SORL1-AS1: variants seen among roughly 807,000 people sequenced by gnomAD.
SORL1-AS1 encodes the protein SORL1 antisense RNA 1.
At chr11:121,441,904 C>G in the SORL1-AS1 span, among the ~76,000 whole-genome samples, 2 of 152,214 alleles carry the variant, frequency 1.3e-5, no homozygotes, top group Non-Finnish European at 2.9e-5. Context: ...AACTAATCCA[C>G]TGATCCTAAA....
At chr11:121,448,121 G>A (rs1002817217) in exon 2 of SORL1-AS1, 2 of 152,208 alleles carry the variant, frequency 1.3e-5, no homozygotes, top group African/African-American at 2.4e-5. Context: ...TCTCGCTTTG[G>A]CCCACTTCAA....
Position 121,452,492 on chromosome 11 carries a change from A to T in SORL1-AS1, n.339+183T>A. 1 of 1,484,848 alleles carries T rather than the reference A, an allele frequency of 6.7e-7. No homozygotes were observed. The highest frequency in any genetic ancestry group is 8.9e-7 in the Non-Finnish European group (1 of 1,119,998). The allele number at this position is 1,484,848 out of a possible 1,614,324, so 92.0% of individuals were successfully genotyped here. ...CGGGGCTTCCTCGTGGTGCAGGGCG[A>T]CCCGCGCGAGCTGCGGCTGTGGGCG... On this transcript the variant is annotated intron_variant and non_coding_transcript_variant, in intron 1 of 1. Coordinates refer to ENST00000501964, the Ensembl canonical transcript of SORL1-AS1. The surrounding 1 kb of genome is among the most constrained non-coding windows in gnomAD (Gnocchi z 5.3).
downstream of SORL1-AS1, among the ~76,000 whole-genome samples, chr11:121,446,644 G>T (rs991327973): frequency 1.3e-5 from 2 of 151,988 alleles, no homozygotes; most frequent in Non-Finnish European, 2.9e-5. Flanking sequence ...CCAGCTACTC[G>T]GGAGGCTGAG....
chr11:121,441,317 A>T, the SORL1-AS1 span, among the ~76,000 whole-genome samples: 2 of 151,252 alleles, frequency 1.3e-5, no homozygotes, highest in African/African-American at 4.9e-5. Flanking sequence ...AGGTCAGGAG[A>T]TTGAAACCAT....
In SORL1-AS1 at chr11:121,452,210, C is replaced by A; in HGVS notation, n.339+465G>T. 3.4e-6 allele frequency: 2 copies of A among 580,970 alleles called. No individual in the cohort carries two copies. Among genetic ancestry groups the A allele is most frequent in the Non-Finnish European group, 4.5e-6 (2 of 441,746 alleles). The allele number at this position is 580,970 out of a possible 1,614,324, so 36.0% of individuals were successfully genotyped here. On this transcript the variant is annotated intron_variant and non_coding_transcript_variant, in intron 1 of 1. Transcript: ENST00000501964. The surrounding 1 kb of genome is among the most constrained non-coding windows in gnomAD (Gnocchi z 5.3). ...GCGGGCGCAGCGGGGCGGCCCGGAG[C>A]GGCGCGGGCGGCCTGGAGCCCCGGG...
chr11:121,444,040 T>C (rs1006064980), downstream of SORL1-AS1, among the ~76,000 whole-genome samples: 3 of 152,078 alleles, frequency 2.0e-5, no homozygotes, highest in Non-Finnish European at 2.9e-5. Context: ...TGGTACAGGA[T>C]GTGTGATGGC....
At chr11:121,442,764 C>A (rs867185434), downstream of SORL1-AS1, among the ~76,000 whole-genome samples, 1 of 149,198 alleles carries the variant, frequency 6.7e-6, no homozygotes. Context: ...CTGCAAGCTC[C>A]GCCTCCCAGG....
At chr11:121,445,506 C>T (rs575047553), downstream of SORL1-AS1, among the ~76,000 whole-genome samples, 2 of 152,250 alleles carry the variant, frequency 1.3e-5, no homozygotes, top group East Asian at 3.9e-4. Context: ...TCTCCATTGG[C>T]CTTCCCAGCC....
rs1860821932 is a variant in SORL1-AS1, at chr11:121,452,634, C to T, written n.339+41G>A. 5 of 1,440,494 alleles carry T rather than the reference C, an allele frequency of 3.5e-6. No homozygotes were observed. Among genetic ancestry groups the T allele is most frequent in the Non-Finnish European group, 4.5e-6 (5 of 1,100,158 alleles). 89.2% of individuals were successfully genotyped at this position (1,440,494 alleles called of 1,614,324 possible). On this transcript the variant is annotated intron_variant and non_coding_transcript_variant, in intron 1 of 1. Transcript: ENST00000501964. This position sits in a 1 kb window ranked among gnomAD's most constrained non-coding sequence, Gnocchi z 5.3. ...ACGGACAGGTGAGCAGTTTTGCAAC[C>T]CGCCTCCCTCCAGTTTTTTCCTCTC...
At chr11:121,441,527 T>C in the SORL1-AS1 span, among the ~76,000 whole-genome samples, 1 of 73,600 alleles carries the variant, frequency 1.4e-5, no homozygotes, top group Non-Finnish European at 2.4e-5. Flanking sequence ...CGAGACTCTG[T>C]CTCAAAAAAA....
chr11:121,446,242 C>G (rs1209746930), downstream of SORL1-AS1, among the ~76,000 whole-genome samples: 1 of 152,112 alleles, frequency 6.6e-6, no homozygotes, highest in Non-Finnish European at 1.5e-5. Flanking sequence ...AGATAAGTAC[C>G]AAAATCGTTG....
rs1226469975 is a variant in SORL1-AS1 at position 121,452,261 on chromosome 11, C to T, written n.339+414G>A. ...AGCGGCGCGCGCGGTCCCGGCCCAG[C>T]GGCTCTCCTGGCCTCGCGCTGCACA... is the stretch of plus-strand genomic sequence containing the variant. On this transcript the variant is annotated intron_variant and non_coding_transcript_variant, in intron 1 of 1. Transcript: ENST00000501964. The surrounding 1 kb of genome is among the most constrained non-coding windows in gnomAD (Gnocchi z 5.3). 1.0e-5 allele frequency: 13 copies of T among 1,275,384 alleles called. No homozygotes were observed. The highest frequency in any genetic ancestry group is 3.1e-5 in the African/African-American group (2 of 63,764). The allele number at this position is 1,275,384 out of a possible 1,614,324, so 79.0% of individuals were successfully genotyped here.
At chr11:121,444,091 C>T (rs1180694712), downstream of SORL1-AS1, among the ~76,000 whole-genome samples, 7 of 145,652 alleles carry the variant, frequency 4.8e-5, no homozygotes, top group South Asian at 2.1e-4. Flanking sequence ...TGTGTGTGCG[C>T]GTGGGTGTGT....
chr11:121,444,632 G>C (rs1378425211), downstream of SORL1-AS1, among the ~76,000 whole-genome samples: 1 of 152,188 alleles, frequency 6.6e-6, no homozygotes, highest in African/African-American at 2.4e-5. Flanking sequence ...GTGGAAGAGG[G>C]GTGGAAGGGT....
At chr11:121,449,903 A>G (rs1860768311) in intron 1 of SORL1-AS1, 1 of 152,218 alleles carries the variant, frequency 6.6e-6, no homozygotes, top group Non-Finnish European at 1.5e-5. Context: ...TATCTACCTG[A>G]GAATGGTTTG....
At chr11:121,438,885 G>C in the SORL1-AS1 span, among the ~76,000 whole-genome samples, 1 of 152,190 alleles carries the variant, frequency 6.6e-6, no homozygotes, top group African/African-American at 2.4e-5. Context: ...AATTAGCCAG[G>C]TGTGGTGGCA....
the SORL1-AS1 span, among the ~76,000 whole-genome samples, chr11:121,438,837 C>T: frequency 1.6e-4 from 24 of 152,222 alleles, no homozygotes; most frequent in East Asian, 3.5e-3. Context: ...AGCAGCCTGG[C>T]CAATATGGCG....
At chr11:121,438,971 A>G in the SORL1-AS1 span, among the ~76,000 whole-genome samples, 1 of 152,222 alleles carries the variant, frequency 6.6e-6, no homozygotes, top group African/African-American at 2.4e-5. Context: ...GGTTGCAGTG[A>G]GCTGAGACGG....
At chr11:121,447,593 A>G (rs574021113) in exon 2 of SORL1-AS1, 1 of 152,252 alleles carries the variant, frequency 6.6e-6, no homozygotes, top group East Asian at 1.9e-4. Context: ...GATTAAGGGC[A>G]TAAGTCACTG....
Sources: gnomAD v4.1 joint callset for allele counts (sites outside exome capture counted in the v4.1 genomes callset) on GRCh38, gnomAD v4.1.1 for gene constraint, Gnocchi (gnomAD v3.1) non-coding constraint, MANE v1.5 for transcripts, NCBI Gene and HGNC (gene_info 2026-07-23, HGNC 2026-07-21) for gene names.